TRIM71: variants seen among roughly 807,000 people sequenced by gnomAD.
The protein encoded by TRIM71 is E3 ubiquitin-protein ligase TRIM71.
TRIM71 carries 9 observed loss-of-function variants against 61.2 expected under a neutral mutation model. That is an observed-to-expected ratio of 0.15 (90% CI 0.09 to 0.26). The LOEUF is 0.26. Among genes scored for constraint, TRIM71 ranks in the 10% least tolerant of loss-of-function variants. The pLI is 1.00. For synonymous variants in TRIM71, 645 were observed against 553.2 expected (o/e 1.17, Z -2.33); for missense variants, 998 against 1,238.7 (o/e 0.81, Z 2.92).
intron 1 of TRIM71, among the ~76,000 whole-genome samples, chr3:32,831,644 C>G (rs1160031782): frequency 6.9e-6 from 1 of 145,194 alleles, no homozygotes; most frequent in Admixed American, 7.3e-5. Context: ...TCAAGTGGTT[C>G]TCTTGCCTCA....
At chr3:32,888,833 A>G (rs540230324) in intron 3 of TRIM71, among the ~76,000 whole-genome samples, 205 of 152,266 alleles carry the variant, frequency 1.3e-3, no homozygotes, top group African/African-American at 4.5e-3. Context: ...CCCCAAACTA[A>G]TTCTTTAAGA....
intron 1 of TRIM71, among the ~76,000 whole-genome samples, chr3:32,839,664 G>T (rs1181543851): frequency 2.2e-5 from 3 of 136,546 alleles, no homozygotes; most frequent in African/African-American, 8.1e-5. Context: ...CTTTTTTTGG[G>T]GGGGGGGTGG....
chr3:32,861,718 A>C (rs1407115523), intron 1 of TRIM71, among the ~76,000 whole-genome samples: 1 of 151,966 alleles, frequency 6.6e-6, no homozygotes, highest in Admixed American at 6.6e-5. Context: ...TGTCGGGGGG[A>C]AGATGAGGTA....
intron 1 of TRIM71, among the ~76,000 whole-genome samples, chr3:32,845,134 G>C (rs1346420276): frequency 6.7e-6 from 1 of 149,896 alleles, no homozygotes; most frequent in Non-Finnish European, 1.5e-5. Context: ...CCACCTGGAG[G>C]CTTTCCAGGT....
At chr3:32,841,956 A>G (rs1489518092) in intron 1 of TRIM71, among the ~76,000 whole-genome samples, 1 of 152,184 alleles carries the variant, frequency 6.6e-6, no homozygotes, top group East Asian at 1.9e-4. Context: ...GCCAGGGTGC[A>G]GTTCTTGGAA....
At position 32,818,838 on chromosome 3, in the gene TRIM71, A is replaced by C; in HGVS notation, c.758A>C (p.Gln253Pro). The change falls in exon 1 of 4, where the codon CAG becomes CCG. Residue 253 changes from glutamine to proline, a missense_variant. Gln to Pro is a moderately conservative substitution (Grantham distance 76). Around this residue, in one of 5 missense-constraint regions of TRIM71, gnomAD observed 527 missense variants for 427.8 expected, o/e 1.23. Coordinates refer to ENST00000383763, the MANE Select transcript of TRIM71 (RefSeq NM_001039111.3). ...CCCGGTGCCGCAGCAGCGGCGCAGC[A>C]GCTCGGGCTCGGGCCGCCCTTTCCC... is the stretch of plus-strand genomic sequence containing the variant. Reference protein sequence around the residue: ...PGPGAAAAAQQLGLGPPFPGP... With the variant: ...PGPGAAAAAQPLGLGPPFPGP... 1 of 1,611,876 alleles carries C rather than the reference A, an allele frequency of 6.2e-7. No individual in the cohort carries two copies. The highest frequency in any genetic ancestry group is 8.5e-7 in the Non-Finnish European group (1 of 1,179,492).
chr3:32,840,643 C>T (rs1696393451), intron 1 of TRIM71, among the ~76,000 whole-genome samples: 1 of 152,170 alleles, frequency 6.6e-6, no homozygotes, highest in African/African-American at 2.4e-5. Context: ...GCTGGGGCTG[C>T]TTTCTTCTGT....
At chr3:32,858,173 G>T (rs374185657) in intron 1 of TRIM71, among the ~76,000 whole-genome samples, 2 of 152,210 alleles carry the variant, frequency 1.3e-5, no homozygotes, top group African/African-American at 4.8e-5. Flanking sequence ...TTTCAAACCC[G>T]TGTTGTTCAA....
intron 1 of TRIM71, among the ~76,000 whole-genome samples, chr3:32,849,072 A>G (rs1696508795): frequency 6.6e-6 from 1 of 152,198 alleles, no homozygotes; most frequent in South Asian, 2.1e-4. Flanking sequence ...GGGAGCCTTA[A>G]GCTGGGGGTA....
At chr3:32,883,783 T>G (rs1696933107) in intron 2 of TRIM71, among the ~76,000 whole-genome samples, 1 of 152,216 alleles carries the variant, frequency 6.6e-6, no homozygotes, top group Admixed American at 6.5e-5. Flanking sequence ...TGCTAATTGT[T>G]CTGCTAAATC....
intron 1 of TRIM71, among the ~76,000 whole-genome samples, chr3:32,857,992 A>C (rs1559544245): frequency 6.6e-6 from 1 of 152,140 alleles, no homozygotes. Context: ...CGGGACACAA[A>C]AAGAAGAAGA....
intron 1 of TRIM71, among the ~76,000 whole-genome samples, chr3:32,851,601 C>G (rs1428067241): frequency 1.3e-5 from 2 of 152,170 alleles, no homozygotes; most frequent in Non-Finnish European, 2.9e-5. Flanking sequence ...GCCTCAGCCT[C>G]CCGAGTAGCT....
At chr3:32,838,406 T>TA (rs1043298828) in intron 1 of TRIM71, among the ~76,000 whole-genome samples, 3 of 151,890 alleles carry the variant, frequency 2.0e-5, no homozygotes, top group Admixed American at 6.6e-5. Flanking sequence ...ATATTTTTAG[T>TA]AGAGACGGGG....
chr3:32,855,159 A>G (rs1057259722), intron 1 of TRIM71, among the ~76,000 whole-genome samples: 3 of 152,248 alleles, frequency 2.0e-5, no homozygotes, highest in Admixed American at 6.5e-5. Flanking sequence ...GCTTTCAGGC[A>G]TCCACTGGGG....
In TRIM71 at chr3:32,838,077, A is replaced by C. The variant is rs555359881; in HGVS notation, c.852+19145A>C. Among the ~76,000 whole-genome samples, 14 of 152,316 alleles carry C rather than the reference A, an allele frequency of 9.2e-5. No individual in the cohort carries two copies. The South Asian group carries it at 2.9e-3, about 32-fold the overall frequency. ...CCTGGCTATCCGGGTGTTTGAGGAC[A>C]CAAAGCAATAAACAGGGCTTGCCTT... On this transcript the variant is annotated intron_variant, in intron 1 of 3. Transcript: ENST00000383763.
At chr3:32,864,848 GTGTGTGTGTGT>G (rs1559545984) in intron 1 of TRIM71, among the ~76,000 whole-genome samples, 14 of 2,304 alleles carry the variant, frequency 6.1e-3, no homozygotes, top group Admixed American at 0.019. Context: ...ATTAAGTGGT[GTGTGTGTGTGT>G]GTGTGTGTGT....
chr3:32,858,446 C>T (rs893615785), intron 1 of TRIM71, among the ~76,000 whole-genome samples: 1 of 152,198 alleles, frequency 6.6e-6, no homozygotes, highest in Non-Finnish European at 1.5e-5. Context: ...ACACAGCACA[C>T]TTGACTATGA....
intron 2 of TRIM71, among the ~76,000 whole-genome samples, chr3:32,884,022 C>T (rs1219974726): frequency 1.3e-5 from 2 of 152,214 alleles, no homozygotes; most frequent in East Asian, 3.8e-4. Context: ...CCCTGTGAAT[C>T]AGCTCAGTGG....
intron 1 of TRIM71, among the ~76,000 whole-genome samples, chr3:32,826,582 C>CTTT (rs71068090): frequency 0.056 from 4,673 of 82,826 alleles, 731 homozygotes; most frequent in African/African-American, 0.15. Flanking sequence ...CAGGTGAGTT[C>CTTT]TTTTTTTTTT....
Sources: allele counts gnomAD v4.1 joint callset (sites outside exome capture counted in the v4.1 genomes callset), GRCh38; gene constraint gnomAD v4.1.1; regional missense constraint gnomAD v4.1.1; transcripts MANE v1.5; gene names NCBI Gene and HGNC (gene_info 2026-07-23, HGNC 2026-07-21).